C6orf120: variants seen among roughly 807,000 people sequenced by gnomAD.
The protein encoded by C6orf120 is UPF0669 protein C6orf120.
For synonymous variants in C6orf120, 165 were observed against 123.1 expected (o/e 1.34, Z -2.25); for missense variants, 311 against 264.2 (o/e 1.18, Z -1.23).
chr6:169,705,883 A>G (rs1214450932), downstream of C6orf120, among the ~76,000 whole-genome samples: 2 of 152,212 alleles, frequency 1.3e-5, no homozygotes, highest in African/African-American at 4.8e-5. Context: ...CTACAATGTA[A>G]GACTGCCTAC....
At chr6:169,703,559 A>C (rs1218524813) in exon 1 of C6orf120, 1 of 201,302 alleles carries the variant, frequency 5.0e-6, no homozygotes, top group Non-Finnish European at 1.1e-5. Context: ...GTATTTACAA[A>C]GTTTGTTCCT....
exon 1 of C6orf120, chr6:169,704,220 A>AT (rs1788689822): frequency 8.3e-6 from 5 of 600,556 alleles, no homozygotes; most frequent in Admixed American, 4.1e-5. Context: ...GAAGGGCACT[A>AT]TGAGTTCCTT....
chr6:169,702,479 G>T, exon 1 of C6orf120: 1 of 1,566,502 alleles, frequency 6.4e-7, no homozygotes, highest in Non-Finnish European at 8.6e-7. Flanking sequence ...CCCCGCGGGA[G>T]GGCCGCGCCC....
chr6:169,703,720 A>C (rs992339873), exon 1 of C6orf120: 4 of 407,244 alleles, frequency 9.8e-6, no homozygotes, highest in African/African-American at 6.3e-5. Flanking sequence ...AAGTTTCATG[A>C]AAATTAACTT....
At chr6:169,705,615 C>A (rs747986925), downstream of C6orf120, 1 of 1,326,486 alleles carries the variant, frequency 7.5e-7, no homozygotes, top group Non-Finnish European at 1.1e-6. Context: ...TCAATACTTA[C>A]CACTATTCTC....
chr6:169,702,852 G>C (rs757062032), exon 1 of C6orf120: 8 of 1,612,014 alleles, frequency 5.0e-6, no homozygotes, highest in Non-Finnish European at 6.8e-6. Flanking sequence ...AGTTCGAGAT[G>C]AAGGTGTACT....
At position 169,702,391 on chromosome 6, in the gene C6orf120, G is replaced by A. The variant is rs1788347640; in HGVS notation, c.-69G>A. 3.1e-6 allele frequency: 3 copies of A among 972,706 alleles called. No homozygotes were observed. Among genetic ancestry groups the A allele is most frequent in the Non-Finnish European group, 4.5e-6 (3 of 667,546 alleles). 60.3% of individuals were successfully genotyped at this position (972,706 alleles called of 1,614,324 possible). On this transcript the variant is annotated 5_prime_UTR_variant, in exon 1 of 1. It adds an upstream start codon to the 5' untranslated region. Transcript: ENST00000332290. ...GTGCGGACGGCGGGGACAGGCTCCGGTGCTGAGCGCCTCCGGTGTCCCCAG... is the reference window on the plus strand; with the variant it reads ...GTGCGGACGGCGGGGACAGGCTCCGATGCTGAGCGCCTCCGGTGTCCCCAG...
chr6:169,705,368 C>A, downstream of C6orf120: 1 of 1,302,888 alleles, frequency 7.7e-7, no homozygotes, highest in Non-Finnish European at 1.1e-6. Flanking sequence ...GAAATTTTAA[C>A]TTAATATGGC....
chr6:169,705,156 A>C (rs773294273), downstream of C6orf120: 19 of 1,610,418 alleles, frequency 1.2e-5, no homozygotes, highest in Non-Finnish European at 1.6e-5. Flanking sequence ...ACCAAGGCCC[A>C]CACAAAAAGT....
At chr6:169,702,168 T>C (rs185807629), upstream of C6orf120, 205 of 640,166 alleles carry the variant, frequency 3.2e-4, no homozygotes, top group African/African-American at 3.4e-3. Context: ...TCCGGATGTA[T>C]AAAGCGCGGC....
At chr6:169,703,527 A>G (rs1585291745) in exon 1 of C6orf120, 1 of 198,600 alleles carries the variant, frequency 5.0e-6, no homozygotes, top group Non-Finnish European at 1.1e-5. Flanking sequence ...TTTCTATACA[A>G]AAAGGATTTC....
At chr6:169,702,243 G>A (rs761950960) in exon 1 of C6orf120, 4 of 692,622 alleles carry the variant, frequency 5.8e-6, no homozygotes. Context: ...CCCTGCCCCT[G>A]CCCTGAGTGG....
chr6:169,703,806 T>A, exon 1 of C6orf120: 2 of 549,712 alleles, frequency 3.6e-6, no homozygotes, highest in East Asian at 3.4e-5. Context: ...GAGCCAAGGT[T>A]ACTATAAAAT....
exon 1 of C6orf120, chr6:169,702,918 C>T: frequency 6.2e-7 from 1 of 1,612,606 alleles, no homozygotes; most frequent in Non-Finnish European, 8.5e-7. Context: ...CCGCCGACGG[C>T]GCAGATGCCG....
chr6:169,703,834 C>A lies in C6orf120; in HGVS notation c.*799C>A, dbSNP rs577149164. 1.1e-3 allele frequency: 665 copies of A among 578,510 alleles called. 15 individuals carry two copies. In the South Asian group the frequency reaches 0.016, roughly 14 times the overall value. The allele number at this position is 578,510 out of a possible 1,614,324, so 35.8% of individuals were successfully genotyped here. A position where few individuals can be genotyped will look rare whatever the true frequency, so the allele number is the denominator to read the frequency against. ...TATAAAATACTTTGGAAGATGAATT[C>A]TCTACCTGGAGTTAGTTTCGAGAGT... On this transcript the variant is annotated 3_prime_UTR_variant, in exon 1 of 1. Transcript: ENST00000332290.
upstream of C6orf120, chr6:169,702,162 G>C: frequency 3.1e-6 from 2 of 635,622 alleles, no homozygotes; most frequent in South Asian, 3.0e-5. Context: ...CTCGGGTCCG[G>C]ATGTATAAAG....
At chr6:169,702,456 AGCCATGGCCGCTCCCCGCGGGAGGGCCGC>A in exon 1 of C6orf120, 1 of 1,527,102 alleles carries the variant, frequency 6.5e-7, no homozygotes, top group South Asian at 1.2e-5. Flanking sequence ...CTGAGCCGCC[AGCCATGGCCGCTCCCCGCGGGAGGGCCGC>A]GCCCTGGACG....
exon 1 of C6orf120, chr6:169,702,380 G>A (rs1788345899): frequency 6.9e-6 from 6 of 871,066 alleles, no homozygotes; most frequent in Non-Finnish European, 1.0e-5. Flanking sequence ...GGACGGCGGG[G>A]ACAGGCTCCG....
exon 1 of C6orf120, chr6:169,704,696 T>C (rs2128328277): frequency 5.9e-6 from 1 of 170,838 alleles, no homozygotes; most frequent in Non-Finnish European, 1.4e-5. Flanking sequence ...AATGTTTTAG[T>C]CCAATTACTG....
Sources: allele counts gnomAD v4.1 joint callset (sites outside exome capture counted in the v4.1 genomes callset), GRCh38; gene constraint gnomAD v4.1.1; transcripts MANE v1.5; gene names NCBI Gene and HGNC (gene_info 2026-07-23, HGNC 2026-07-21).